Variants in SPATA13 observed in about 807,000 individuals in gnomAD.
SPATA13 encodes the protein spermatogenesis-associated protein 13.
In SPATA13, 50 loss-of-function variants were observed where a neutral mutation model predicts 104.0. The observed-to-expected ratio is 0.48, with a 90% confidence interval of 0.38 to 0.61. The LOEUF (loss-of-function observed/expected upper bound fraction) is 0.61, where lower values mean the gene tolerates loss of function less well. Among genes scored for constraint, SPATA13 ranks in the 20% least tolerant of loss-of-function variants. SPATA13 has a pLI of 0.00. For missense variants in SPATA13, 1,524 were observed against 1,690.6 expected, an observed-to-expected ratio of 0.90 and a Z score of 1.73; for synonymous variants, 606 against 667.5, an observed-to-expected ratio of 0.91 and a Z score of 1.42.
chr13:24,004,782 C>A (rs1264111436), intron 2 of SPATA13, among the ~76,000 whole-genome samples: 1 of 152,132 alleles, frequency 6.6e-6, no homozygotes, highest in East Asian at 1.9e-4. Context: ...TCTACAGTGA[C>A]AGTAGGCTAA....
chr13:24,178,678 A>G (rs1868597000), intron 1 of SPATA13, among the ~76,000 whole-genome samples: 1 of 152,162 alleles, frequency 6.6e-6, no homozygotes, highest in African/African-American at 2.4e-5. Flanking sequence ...AGCATTTTGT[A>G]CTGTGCCATT....
chr13:24,124,309 A>T lies in SPATA13; in HGVS notation c.-111-98510A>T, dbSNP rs116675050. Among the ~76,000 whole-genome samples the T allele has an allele frequency of 4.6e-3, 695 of 152,300 alleles. 6 individuals carry two copies. Among genetic ancestry groups the T allele is most frequent in the African/African-American group, 0.016 (670 of 41,550 alleles). On this transcript the variant is annotated intron_variant, in intron 3 of 14. Transcript: ENST00000424834. Reference sequence around the variant, plus strand: ...CTCTCATTCATTTCTCATCTATAAGATGAGGAAGGTAACAGCCACACTTCT... The same window carrying T: ...CTCTCATTCATTTCTCATCTATAAGTTGAGGAAGGTAACAGCCACACTTCT...
At chr13:24,198,199 T>C (rs1375450417) in intron 1 of SPATA13, among the ~76,000 whole-genome samples, 4 of 152,252 alleles carry the variant, frequency 2.6e-5, no homozygotes, top group African/African-American at 4.8e-5. Flanking sequence ...TTCACTGTGT[T>C]GGCCAGGCTG....
At chr13:24,041,905 G>GT (rs1877943274) in intron 3 of SPATA13, among the ~76,000 whole-genome samples, 1 of 152,214 alleles carries the variant, frequency 6.6e-6, no homozygotes, top group African/African-American at 2.4e-5. Flanking sequence ...AGAGTGAGGC[G>GT]TAACGGTCAA....
intron 4 of SPATA13, chr13:24,278,893 C>CTTCT: frequency 1.8e-6 from 2 of 1,093,090 alleles, no homozygotes; most frequent in Non-Finnish European, 2.5e-6. Context: ...TCCTTCCTTC[C>CTTCT]TTCCTTCCTT....
chr13:24,114,861 C>T (rs950327589), intron 3 of SPATA13, among the ~76,000 whole-genome samples: 3 of 152,114 alleles, frequency 2.0e-5, no homozygotes. Flanking sequence ...GGGGTTTCTC[C>T]ATGTTGGTCA....
At chr13:24,216,318 C>A (rs947880785) in intron 1 of SPATA13, among the ~76,000 whole-genome samples, 1 of 152,210 alleles carries the variant, frequency 6.6e-6, no homozygotes, top group Non-Finnish European at 1.5e-5. Flanking sequence ...TTTCTGCACC[C>A]CATCACCCCA....
chr13:24,297,817 G>A, intron 11 of SPATA13, 82 bp downstream of exon 11: 1 of 1,482,566 alleles, frequency 6.7e-7, no homozygotes, highest in Non-Finnish European at 9.0e-7. Flanking sequence ...GGCCTGCTCT[G>A]CCCAGCCTTC....
chr13:24,302,728 G>A lies in SPATA13; in HGVS notation c.3789G>A (p.Ser1263=), dbSNP rs767206279. 72 of 1,613,980 alleles carry A rather than the reference G, an allele frequency of 4.5e-5. No homozygotes were observed. Among genetic ancestry groups the A allele is most frequent in the Non-Finnish European group, 5.8e-5 (68 of 1,180,048 alleles). The change falls in exon 13 of 13, where the codon TCG becomes TCA. Residue 1263 remains serine (S), a synonymous_variant. Transcript: ENST00000382108. The stretch of plus-strand genomic sequence containing the variant: ...TGGCGGAACCCAAGAGGAAGTCCTC[G>A]CTCTTCTGGCACACCTTCAACAGGC... ...FGLAEPKRKS[S]LFWHTFNRLT... is the part of the protein sequence containing the mutation.
chr13:24,053,085 C>A (rs934698295), intron 3 of SPATA13, among the ~76,000 whole-genome samples: 1 of 151,744 alleles, frequency 6.6e-6, no homozygotes, highest in Non-Finnish European at 1.5e-5. Flanking sequence ...TTTTCTGAGA[C>A]CTATCCGTAC....
intron 3 of SPATA13, among the ~76,000 whole-genome samples, chr13:24,089,768 A>T (rs568759531): frequency 2.0e-5 from 3 of 152,294 alleles, no homozygotes; most frequent in African/African-American, 7.2e-5. Context: ...CCACAGACTG[A>T]GGGGGTAACT....
At position 24,303,424 on chromosome 13, in the gene SPATA13, G is replaced by T; in HGVS notation, c.*651G>T. 1 of 203,066 alleles carries T rather than the reference G, an allele frequency of 4.9e-6. No homozygotes were observed. Among genetic ancestry groups the T allele is most frequent in the South Asian group, 5.7e-5 (1 of 17,660 alleles). 12.6% of individuals were successfully genotyped at this position (203,066 alleles called of 1,614,324 possible). On this transcript the variant is annotated 3_prime_UTR_variant, in exon 13 of 13. Transcript: ENST00000382108. ...AAGTGGAGAGAAAGAAGATGCATCT[G>T]TCACCTTCATCAGGGTCCTCAGTGC...
At position 24,304,272 on chromosome 13, in the gene SPATA13, T is replaced by A. The variant is rs1233661587; in HGVS notation, c.*1499T>A. 6.6e-6 allele frequency: 1 copy of A among 152,262 alleles called. No homozygotes were observed. Among genetic ancestry groups the A allele is most frequent in the African/African-American group, 2.4e-5 (1 of 41,468 alleles). The allele number at this position is 152,262 out of a possible 1,614,324, so 9.4% of individuals were successfully genotyped here. On this transcript the variant is annotated 3_prime_UTR_variant, in exon 13 of 13. Coordinates refer to ENST00000382108, the MANE Select transcript of SPATA13 (RefSeq NM_001166271.3). ...GGCCACCTAGGCTGACACCTGCAGA[T>A]AATCATCTCCTTTTCTTTGTCTATG...
chr13:24,255,272 C>T (rs1196446286), intron 4 of SPATA13, among the ~76,000 whole-genome samples: 2 of 152,036 alleles, frequency 1.3e-5, no homozygotes, highest in Non-Finnish European at 2.9e-5. Flanking sequence ...GGATGCCTAC[C>T]CTGAGGCTCC....
chr13:24,306,780 A>C lies in SPATA13; in HGVS notation c.*4007A>C, dbSNP rs1316430906. On this transcript the variant is annotated 3_prime_UTR_variant, in exon 13 of 13. Transcript: ENST00000382108. Reference sequence around the variant, plus strand: ...TTTCTAATCTTTTTTTGTAAATATTAGTGTCCATTCTGTATGACTCGCTAA... The same window carrying C: ...TTTCTAATCTTTTTTTGTAAATATTCGTGTCCATTCTGTATGACTCGCTAA... 1 of 152,216 alleles carries C rather than the reference A, an allele frequency of 6.6e-6. No homozygotes were observed. Among genetic ancestry groups the C allele is most frequent in the Non-Finnish European group, 1.5e-5 (1 of 68,032 alleles). The allele number at this position is 152,216 out of a possible 1,614,324, so 9.4% of individuals were successfully genotyped here. A position where few individuals can be genotyped will look rare whatever the true frequency, so the allele number is the denominator to read the frequency against.
At chr13:23,999,232 T>C (rs1456262927) in intron 2 of SPATA13, among the ~76,000 whole-genome samples, 1 of 152,106 alleles carries the variant, frequency 6.6e-6, no homozygotes. Context: ...CAGCCTAATG[T>C]TGATTTTCTT....
At chr13:24,238,132 CTTT>C (rs66810619) in intron 2 of SPATA13, among the ~76,000 whole-genome samples, 8 of 77,140 alleles carry the variant, frequency 1.0e-4, no homozygotes, top group African/African-American at 3.0e-4. Context: ...TTCTTCTTGA[CTTT>C]TTTTTTTTTT....
Position 24,224,350 on chromosome 13 carries a change from C to T in SPATA13, c.1421C>T (p.Pro474Leu), listed in dbSNP as rs1316811115. 1 of 1,551,602 alleles carries T rather than the reference C, an allele frequency of 6.4e-7. No individual in the cohort carries two copies. Among genetic ancestry groups the T allele is most frequent in the South Asian group, 1.2e-5 (1 of 84,062 alleles). Residue 474 changes from proline (P) to leucine (L), a missense_variant, in exon 2 of 13, where the codon CCT (proline) becomes CTT (leucine). Physicochemically the swap from Pro to Leu is moderately conservative, Grantham distance 98. Transcript: ENST00000382108. ...LRPTTPKPQS[P>L]QSPQSPGAGS... ...CCCACCACACCCAAGCCCCAGAGCCCTCAGAGCCCCCAGAGCCCCGGGGCA... is the reference window on the plus strand; with the variant it reads ...CCCACCACACCCAAGCCCCAGAGCCTTCAGAGCCCCCAGAGCCCCGGGGCA...
At chr13:24,283,502 C>A (rs1441920871) in intron 4 of SPATA13, among the ~76,000 whole-genome samples, 1 of 152,218 alleles carries the variant, frequency 6.6e-6, no homozygotes, top group Non-Finnish European at 1.5e-5. Flanking sequence ...AAGGGTGGCT[C>A]ATTTTCCCAA....
Sources: allele counts gnomAD v4.1 joint callset (sites outside exome capture counted in the v4.1 genomes callset), GRCh38; gene constraint gnomAD v4.1.1; transcripts MANE v1.5; gene names NCBI Gene and HGNC (gene_info 2026-07-23, HGNC 2026-07-21).